The following LIMS1 variants were observed in gnomAD, a reference collection of about 807,000 sequenced individuals.
LIMS1 encodes the protein LIM zinc finger domain containing 1.
In LIMS1, 18 loss-of-function variants were observed where a neutral mutation model predicts 44.1. The ratio of observed to expected loss-of-function variants is 0.41; its 90% confidence interval spans 0.28 to 0.61. LIMS1 has a LOEUF of 0.61. Among genes scored for constraint, LIMS1 ranks in the 20% least tolerant of loss-of-function variants. The probability of loss-of-function intolerance (pLI) is 0.32; values close to 1 mark genes in which losing one functional copy is unlikely to be tolerated. For missense variants in LIMS1, 201 were observed against 422.0 expected (o/e 0.48, Z 4.59); for synonymous variants, 93 against 149.1 (o/e 0.62, Z 2.74).
chr2:108,551,917 A>G (rs1265385856), intron 1 of LIMS1, among the ~76,000 whole-genome samples: 1 of 104,398 alleles, frequency 9.6e-6, no homozygotes, highest in East Asian at 5.1e-4. Flanking sequence ...ATATGTGTGT[A>G]TATGTGTATA....
chr2:108,648,819 T>A (rs775896077), intron 1 of LIMS1, among the ~76,000 whole-genome samples: 14 of 152,170 alleles, frequency 9.2e-5, no homozygotes, highest in African/African-American at 3.4e-4. Context: ...TTACACCTTA[T>A]ACAAAAATTA....
intron 1 of LIMS1, among the ~76,000 whole-genome samples, chr2:108,571,838 A>G (rs530923465): frequency 6.6e-6 from 1 of 152,312 alleles, no homozygotes; most frequent in African/African-American, 2.4e-5. Flanking sequence ...AAACTGTTCA[A>G]TGTAGGGACA....
exon 10 of LIMS1, chr2:108,686,127 C>T (rs1693284250): frequency 1.3e-5 from 2 of 151,960 alleles, no homozygotes; most frequent in South Asian, 4.2e-4. Context: ...GAGATCAAGA[C>T]CATCCTGGCT....
intron 1 of LIMS1, among the ~76,000 whole-genome samples, chr2:108,549,401 T>A (rs375226904): frequency 3.6e-4 from 53 of 147,454 alleles, no homozygotes; most frequent in South Asian, 2.0e-3. Context: ...TTCAAGCAGT[T>A]CTCCTGCCTC....
intron 1 of LIMS1, among the ~76,000 whole-genome samples, chr2:108,654,155 C>T (rs530368383): frequency 1.5e-3 from 223 of 151,728 alleles, no homozygotes; most frequent in Middle Eastern, 3.4e-3. Context: ...GTTTGCCTGA[C>T]GTAGTTTCCA....
intron 1 of LIMS1, among the ~76,000 whole-genome samples, chr2:108,563,883 A>T (rs2718734): frequency 0.17 from 25,879 of 151,686 alleles, 2,622 homozygotes; most frequent in African/African-American, 0.27. Flanking sequence ...ATACAGCGAG[A>T]TCCTGTCTCT....
At chr2:108,657,287 A>G (rs1299672979) in intron 1 of LIMS1, among the ~76,000 whole-genome samples, 1 of 151,160 alleles carries the variant, frequency 6.6e-6, no homozygotes, top group Non-Finnish European at 1.5e-5. Context: ...GATCCAGGAC[A>G]TTCTAGAATA....
chr2:108,564,057 A>G (rs1261096289), intron 1 of LIMS1, among the ~76,000 whole-genome samples: 1 of 151,504 alleles, frequency 6.6e-6, no homozygotes, highest in Non-Finnish European at 1.5e-5. Context: ...AAAAAAAAAA[A>G]AAAAAGGAAA....
intron 1 of LIMS1, among the ~76,000 whole-genome samples, chr2:108,543,893 C>T (rs1293301397): frequency 6.6e-6 from 1 of 152,096 alleles, no homozygotes; most frequent in East Asian, 1.9e-4. Context: ...CGAGAAATAG[C>T]AGCCCAACCC....
chr2:108,655,030 TC>T (rs1690757347), intron 1 of LIMS1: 1 of 1,611,750 alleles, frequency 6.2e-7, no homozygotes, highest in Non-Finnish European at 8.5e-7. Flanking sequence ...TGGCTCTGTG[TC>T]CTGCCATTCT....
rs571211987 is a variant in LIMS1 at position 108,642,453 on chromosome 2, G to A, written c.33-17152G>A. Among the ~76,000 whole-genome samples the A allele has an allele frequency of 3.7e-3, 525 of 142,016 alleles. 2 individuals are homozygous for A. Among genetic ancestry groups the A allele is most frequent in the Non-Finnish European group, 5.7e-3 (376 of 66,352 alleles). 93.2% of individuals were successfully genotyped at this position (142,016 alleles called of 152,430 possible). Reference sequence around the variant, plus strand: ...CGGCTCACTGCAAGCTCCGCCTCCCGGGTTCACGCCATTCTCCTGCCTCAG... The same window carrying A: ...CGGCTCACTGCAAGCTCCGCCTCCCAGGTTCACGCCATTCTCCTGCCTCAG... On this transcript the variant is annotated intron_variant, in intron 1 of 9. Transcript: ENST00000544547.
In LIMS1 at chr2:108,606,096, A is replaced by G. The variant is rs139596253; in HGVS notation, c.33-53509A>G. On this transcript the variant is annotated intron_variant, in intron 1 of 9. Transcript: ENST00000544547. ...TGTAGTCACTGAGTATTCAGACTGT[A>G]TAACTATTTTTATGAATTCAGGCAC... Among the ~76,000 whole-genome samples the G allele has an allele frequency of 1.9e-3, 285 of 152,380 alleles. 1 individual carries two copies. Among genetic ancestry groups the G allele is most frequent in the African/African-American group, 6.6e-3 (275 of 41,592 alleles).
exon 10 of LIMS1, chr2:108,684,090 A>C (rs1157220160): frequency 1.5e-6 from 1 of 648,790 alleles, no homozygotes; most frequent in South Asian, 2.0e-5. Context: ...ATCTCAAAGC[A>C]GTTGAGAGAA....
chr2:108,646,026 T>TA (rs1303871256), intron 1 of LIMS1, among the ~76,000 whole-genome samples: 2 of 152,172 alleles, frequency 1.3e-5, no homozygotes, highest in Admixed American at 6.5e-5. Context: ...CAAAGAGACT[T>TA]AGACTCCCAC....
chr2:108,649,883 G>C (rs1168567680), intron 1 of LIMS1, among the ~76,000 whole-genome samples: 1 of 152,098 alleles, frequency 6.6e-6, no homozygotes, highest in Non-Finnish European at 1.5e-5. Flanking sequence ...AGGTTGATGG[G>C]TGCAGCAAAC....
At chr2:108,622,805 G>A (rs753418952) in intron 1 of LIMS1, among the ~76,000 whole-genome samples, 22 of 151,892 alleles carry the variant, frequency 1.4e-4, no homozygotes, top group South Asian at 2.1e-4. Flanking sequence ...TTCAGATTTC[G>A]GGGTTTGGAG....
intron 1 of LIMS1, among the ~76,000 whole-genome samples, chr2:108,586,855 G>A (rs1686128425): frequency 6.6e-6 from 1 of 152,160 alleles, no homozygotes; most frequent in South Asian, 2.1e-4. Context: ...TCCCTGCTGG[G>A]AATGGGGGAG....
chr2:108,567,753 G>C (rs955836335), intron 1 of LIMS1, among the ~76,000 whole-genome samples: 1 of 152,100 alleles, frequency 6.6e-6, no homozygotes, highest in Non-Finnish European at 1.5e-5. Context: ...TGTATTTTTA[G>C]TAGAGGCGGG....
chr2:108,569,161 G>A (rs1395381255), intron 1 of LIMS1, among the ~76,000 whole-genome samples: 1 of 152,120 alleles, frequency 6.6e-6, no homozygotes, highest in Non-Finnish European at 1.5e-5. Flanking sequence ...AAAGTGCTGG[G>A]ATTACAGGCG....
Sources: gnomAD v4.1 joint callset for allele counts (sites outside exome capture counted in the v4.1 genomes callset) on GRCh38, gnomAD v4.1.1 for gene constraint, MANE v1.5 for transcripts, NCBI Gene and HGNC (gene_info 2026-07-23, HGNC 2026-07-21) for gene names.